The following TNFRSF10D variants were observed in gnomAD, a reference collection of about 807,000 sequenced individuals.
TNFRSF10D encodes the protein TNF receptor superfamily member 10d, also known as tumor necrosis factor receptor superfamily member 10D.
Under a neutral mutation model 42.1 loss-of-function variants are expected in TNFRSF10D, and 28 were observed. That is an observed-to-expected ratio of 0.66 (90% CI 0.49 to 0.91). The LOEUF (loss-of-function observed/expected upper bound fraction) is 0.91, where lower values mean the gene tolerates loss of function less well. Ranked by LOEUF, TNFRSF10D falls within the 40% of genes least tolerant of loss-of-function variation. The probability of loss-of-function intolerance (pLI) is 0.00; values close to 1 mark genes in which losing one functional copy is unlikely to be tolerated. For missense variants in TNFRSF10D, 503 were observed against 486.1 expected, an observed-to-expected ratio of 1.03 and a Z score of -0.33; for synonymous variants, 186 against 189.4, an observed-to-expected ratio of 0.98 and a Z score of 0.15.
intron 1 of TNFRSF10D, among the ~76,000 whole-genome samples, chr8:23,162,800 G>A (rs1800390637): frequency 1.3e-5 from 2 of 151,900 alleles, no homozygotes; most frequent in Admixed American, 1.3e-4. Flanking sequence ...CCACTTTCAG[G>A]GTTCTATAGG....
At position 23,148,451 on chromosome 8, in the gene TNFRSF10D, T is replaced by C. The variant is rs61756240; in HGVS notation, c.357A>G (p.Thr119=). The change falls in exon 3 of 9, where the codon ACA becomes ACG. Residue 119 remains threonine (T), a synonymous_variant. Transcript: ENST00000312584. The part of the protein sequence containing the change: ...SNNLPSCLLC[T]VCKSGQTNKS... ...CACATTCTGTACCTGATTTACAAAC[T>C]GTACATAGCAGGCAAGAAGGCAAAT... 9.8e-4 allele frequency: 1,574 copies of C among 1,608,756 alleles called. No individual in the cohort carries two copies. Among genetic ancestry groups the C allele is most frequent in the Non-Finnish European group, 1.3e-3 (1,476 of 1,176,470 alleles).
intron 3 of TNFRSF10D, 81 bp downstream of exon 3, chr8:23,148,357 T>C: frequency 1.9e-6 from 2 of 1,076,744 alleles, no homozygotes; most frequent in East Asian, 2.6e-5. Context: ...TAGAACTTGG[T>C]TCCCCGACTC....
chr8:23,151,406 A>G (rs537781674), intron 2 of TNFRSF10D, among the ~76,000 whole-genome samples: 1 of 152,084 alleles, frequency 6.6e-6, no homozygotes, highest in Non-Finnish European at 1.5e-5. Flanking sequence ...AGAAATGTTA[A>G]AGAGAGTTAT....
intron 2 of TNFRSF10D, among the ~76,000 whole-genome samples, chr8:23,150,354 A>AACCAC (rs111289279): frequency 4.0e-3 from 611 of 151,840 alleles, no homozygotes; most frequent in African/African-American, 0.013. Flanking sequence ...ACCACCCTTG[A>AACCAC]ACCACACCAC....
chr8:23,157,027 A>G (rs1319594110), intron 1 of TNFRSF10D, among the ~76,000 whole-genome samples: 687 of 151,760 alleles, frequency 4.5e-3, no homozygotes, highest in African/African-American at 0.014. Context: ...CTTTAACGAG[A>G]CACAAATCAC....
At chr8:23,158,101 G>A (rs1041675019) in intron 1 of TNFRSF10D, among the ~76,000 whole-genome samples, 8 of 152,118 alleles carry the variant, frequency 5.3e-5, no homozygotes, top group South Asian at 2.1e-4. Flanking sequence ...TCACCTGCTC[G>A]GCCATCTTTC....
At position 23,154,920 on chromosome 8, in the gene TNFRSF10D, G is replaced by A. The variant is rs769011843; in HGVS notation, c.210C>T (p.Ala70=). ...RQDEVPQQTV[A]PQQQRRSLKE... is the part of the protein sequence containing the mutation. ...TGAGGCTGCGCCTCTGTTGCTGTGGGGCCACTGTCTGCTGGGGAACTTCGT... is the reference window on the plus strand; with the variant it reads ...TGAGGCTGCGCCTCTGTTGCTGTGGAGCCACTGTCTGCTGGGGAACTTCGT... The change falls in exon 2 of 9, where the codon GCC becomes GCT. Residue 70 remains alanine, a synonymous_variant. Coordinates refer to ENST00000312584, the MANE Select transcript of TNFRSF10D (RefSeq NM_003840.5). 2.5e-6 allele frequency: 4 copies of A among 1,613,810 alleles called. No individual in the cohort carries two copies. The highest frequency in any genetic ancestry group is 4.5e-5 in the East Asian group (2 of 44,862).
intron 7 of TNFRSF10D, among the ~76,000 whole-genome samples, chr8:23,140,244 G>A (rs62501091): frequency 0.15 from 22,455 of 151,924 alleles, 1,811 homozygotes; most frequent in Non-Finnish European, 0.18. Context: ...AGCTGAGATC[G>A]CGCCACTGCA....
intron 1 of TNFRSF10D, among the ~76,000 whole-genome samples, chr8:23,161,827 G>A (rs867174801): frequency 4.6e-5 from 7 of 152,322 alleles, no homozygotes; most frequent in Non-Finnish European, 5.9e-5. Flanking sequence ...AAGAAAATTC[G>A]TAAACATCTA....
chr8:23,144,409 A>G, intron 7 of TNFRSF10D, 41 bp downstream of exon 7: 1 of 1,596,352 alleles, frequency 6.3e-7, no homozygotes, highest in Non-Finnish European at 8.5e-7. Flanking sequence ...AGTCCTGTGC[A>G]GGCTGCACGC....
intron 2 of TNFRSF10D, among the ~76,000 whole-genome samples, chr8:23,151,348 GAA>G (rs934656835): frequency 7.3e-6 from 1 of 137,812 alleles, no homozygotes. Flanking sequence ...ATCAGACAAA[GAA>G]AAAAAAAAAC....
chr8:23,160,795 G>A (rs1800356331), intron 1 of TNFRSF10D, among the ~76,000 whole-genome samples: 2 of 152,232 alleles, frequency 1.3e-5, no homozygotes, highest in African/African-American at 4.8e-5. Context: ...GCAGCCATCT[G>A]CAGCCACCTG....
intron 1 of TNFRSF10D, 122 bp downstream of exon 1, chr8:23,163,664 C>T: frequency 6.8e-7 from 1 of 1,466,848 alleles, no homozygotes; most frequent in South Asian, 1.2e-5. Flanking sequence ...GTTCGTCCTG[C>T]CCAGACATGC....
chr8:23,162,241 T>C (rs541373897), intron 1 of TNFRSF10D, among the ~76,000 whole-genome samples: 23 of 152,352 alleles, frequency 1.5e-4, no homozygotes, highest in African/African-American at 5.3e-4. Context: ...TTGGGACGCA[T>C]AGAGTTCACA....
At chr8:23,154,401 T>C (rs1800247041) in intron 2 of TNFRSF10D, among the ~76,000 whole-genome samples, 1 of 152,224 alleles carries the variant, frequency 6.6e-6, no homozygotes, top group Non-Finnish European at 1.5e-5. Flanking sequence ...CACAAGTCCC[T>C]GATACAAATT....
At chr8:23,138,155 C>T in intron 8 of TNFRSF10D, 33 bp downstream of exon 8, 1 of 1,614,072 alleles carries the variant, frequency 6.2e-7, no homozygotes, top group Non-Finnish European at 8.5e-7. Flanking sequence ...ATTCCCTGTC[C>T]TCCTGCTGCG....
At chr8:23,158,729 T>C (rs112456261) in intron 1 of TNFRSF10D, among the ~76,000 whole-genome samples, 2,429 of 152,326 alleles carry the variant, frequency 0.016, 59 homozygotes, top group African/African-American at 0.056. Flanking sequence ...CCATGATCTA[T>C]GTGCAAGTGC....
chr8:23,151,920 G>C (rs1181372277), intron 2 of TNFRSF10D, among the ~76,000 whole-genome samples: 1 of 152,038 alleles, frequency 6.6e-6, no homozygotes, highest in Non-Finnish European at 1.5e-5. Flanking sequence ...GCCTTGCCCT[G>C]GGGGGGATCC....
At position 23,138,279 on chromosome 8, in the gene TNFRSF10D, A is replaced by G. The variant is rs1269044809; in HGVS notation, c.955-19T>C. 1.9e-6 allele frequency: 3 copies of G among 1,614,026 alleles called. No homozygotes were observed. In the South Asian group the frequency reaches 3.3e-5, roughly 18 times the overall value. On this transcript the variant is annotated intron_variant, in intron 7 of 8. Transcript: ENST00000312584. Reference sequence around the variant, plus strand: ...CCTGTTCCTGTAACACACAGTGGGGAATGCTCTGGTCAGAGTCAGGAGTCC... The same window carrying G: ...CCTGTTCCTGTAACACACAGTGGGGGATGCTCTGGTCAGAGTCAGGAGTCC...
Sources: allele counts gnomAD v4.1 joint callset (sites outside exome capture counted in the v4.1 genomes callset), GRCh38; gene constraint gnomAD v4.1.1; transcripts MANE v1.5; gene names NCBI Gene and HGNC (gene_info 2026-07-23, HGNC 2026-07-21).